The following HYCC1 variants were observed in gnomAD, a reference collection of about 807,000 sequenced individuals.
The protein encoded by HYCC1 is hyccin PI4KA lipid kinase complex subunit 1, also known as hyccin.
the HYCC1 span, among the ~76,000 whole-genome samples, chr7:22,918,672 C>A: frequency 6.6e-6 from 1 of 152,114 alleles, no homozygotes; most frequent in Admixed American, 6.5e-5. Context: ...TACCTTGTGA[C>A]ATTCCTTCTC....
At chr7:22,981,128 A>G in the HYCC1 span, among the ~76,000 whole-genome samples, 1 of 152,180 alleles carries the variant, frequency 6.6e-6, no homozygotes, top group African/African-American at 2.4e-5. Context: ...ACTAACTGAC[A>G]TAGTATTATA....
the HYCC1 span, chr7:22,977,415 C>T: frequency 6.4e-7 from 1 of 1,557,212 alleles, no homozygotes; most frequent in Non-Finnish European, 8.8e-7. Flanking sequence ...TGTTTGTCAA[C>T]TATTTCCTAT....
the HYCC1 span, among the ~76,000 whole-genome samples, chr7:22,989,836 T>TA: frequency 6.6e-6 from 1 of 152,150 alleles, no homozygotes; most frequent in Non-Finnish European, 1.5e-5. Context: ...CTATTAAAAT[T>TA]AACAGGAAAC....
chr7:22,950,302 ACT>A, the HYCC1 span, among the ~76,000 whole-genome samples: 2 of 151,356 alleles, frequency 1.3e-5, no homozygotes, highest in Non-Finnish European at 2.9e-5. Flanking sequence ...AGCACTTAAC[ACT>A]CTCTAACCTA....
chr7:22,928,822 A>G, the HYCC1 span, among the ~76,000 whole-genome samples: 3 of 125,352 alleles, frequency 2.4e-5, no homozygotes, highest in Non-Finnish European at 5.4e-5. Flanking sequence ...TCTTCACAGA[A>G]CTGGAAAAAA....
At chr7:22,958,304 A>C in the HYCC1 span, among the ~76,000 whole-genome samples, 1 of 152,168 alleles carries the variant, frequency 6.6e-6, no homozygotes, top group Non-Finnish European at 1.5e-5. Context: ...AGGACTTAAG[A>C]GTATTTTAGA....
the HYCC1 span, chr7:22,964,636 C>A: frequency 2.9e-6 from 2 of 683,816 alleles, no homozygotes; most frequent in Non-Finnish European, 5.3e-6. Flanking sequence ...TCATAACAAA[C>A]CTAATATTTA....
chr7:22,985,544 T>G, the HYCC1 span: 1 of 152,138 alleles, frequency 6.6e-6, no homozygotes, highest in African/African-American at 2.4e-5. Flanking sequence ...AGAGTTTTAT[T>G]TACCAGAAGG....
At chr7:22,984,167 G>A in the HYCC1 span, 1 of 654,772 alleles carries the variant, frequency 1.5e-6, no homozygotes, top group South Asian at 1.7e-5. Flanking sequence ...GATTAGGAGT[G>A]ACTAACAGGT....
At chr7:23,007,773 C>T in the HYCC1 span, among the ~76,000 whole-genome samples, 2 of 152,080 alleles carry the variant, frequency 1.3e-5, no homozygotes, top group Non-Finnish European at 2.9e-5. Flanking sequence ...AAAACAGCAA[C>T]TGTTTGATGA....
chr7:22,991,139 CCT>C, the HYCC1 span: 1 of 1,589,146 alleles, frequency 6.3e-7, no homozygotes. Flanking sequence ...AAACCTTCAA[CCT>C]GAAAATTAAC....
the HYCC1 span, among the ~76,000 whole-genome samples, chr7:22,898,323 G>A: frequency 6.7e-6 from 1 of 149,924 alleles, no homozygotes; most frequent in Non-Finnish European, 1.5e-5. Flanking sequence ...AAGCGATTCT[G>A]CTCCCTCAGC....
chr7:22,976,058 T>C, the HYCC1 span: 4 of 626,470 alleles, frequency 6.4e-6, no homozygotes, highest in South Asian at 7.6e-5. Flanking sequence ...TATAGGGAAC[T>C]TTCCATGTGT....
At chr7:22,977,809 C>T in the HYCC1 span, among the ~76,000 whole-genome samples, 18 of 152,050 alleles carry the variant, frequency 1.2e-4, no homozygotes, top group South Asian at 2.1e-4. Flanking sequence ...GAATACCATA[C>T]GAATTAACAT....
At chr7:22,979,558 G>A in the HYCC1 span, among the ~76,000 whole-genome samples, 1 of 152,194 alleles carries the variant, frequency 6.6e-6, no homozygotes. Flanking sequence ...TGACTGGTTA[G>A]GGATATTTAG....
the HYCC1 span, among the ~76,000 whole-genome samples, chr7:22,962,167 G>T: frequency 2.0e-5 from 3 of 152,176 alleles, no homozygotes; most frequent in Non-Finnish European, 4.4e-5. Context: ...AGGGAGACAG[G>T]TGCCTCTAAG....
At chr7:22,987,126 C>G in the HYCC1 span, among the ~76,000 whole-genome samples, 6 of 152,142 alleles carry the variant, frequency 3.9e-5, no homozygotes, top group Non-Finnish European at 4.4e-5. Flanking sequence ...ATCTACCACA[C>G]AGCAGTAACA....
the HYCC1 span, among the ~76,000 whole-genome samples, chr7:22,954,582 TAA>T: frequency 4.8e-4 from 73 of 151,618 alleles, 2 homozygotes; most frequent in Non-Finnish European, 2.7e-4. Context: ...AAAAATGCAA[TAA>T]AACTGCTTTA....
chr7:22,969,163 GC>G, the HYCC1 span, among the ~76,000 whole-genome samples: 1 of 152,162 alleles, frequency 6.6e-6, no homozygotes, highest in Non-Finnish European at 1.5e-5. Context: ...TGACCCTGAG[GC>G]CAGTTCTTTT....
Sources: gnomAD v4.1 joint callset for allele counts (sites outside exome capture counted in the v4.1 genomes callset) on GRCh38, gnomAD v4.1.1 for gene constraint, MANE v1.5 for transcripts, NCBI Gene and HGNC (gene_info 2026-07-23, HGNC 2026-07-21) for gene names.